The following RIMS3 variants were observed in gnomAD, a reference collection of about 807,000 sequenced individuals.
The protein encoded by RIMS3 is regulating synaptic membrane exocytosis protein 3.
RIMS3 carries 15 observed loss-of-function variants against 29.2 expected under a neutral mutation model. The ratio of observed to expected loss-of-function variants is 0.51; its 90% CI spans 0.34 to 0.79. The LOEUF is 0.79. Ranked by LOEUF, RIMS3 falls within the 30% of genes least tolerant of loss-of-function variation. The pLI is 0.01. For synonymous variants in RIMS3, 161 were observed against 170.1 expected, an observed-to-expected ratio of 0.95 and a Z score of 0.41; for missense variants, 342 against 421.4, an observed-to-expected ratio of 0.81 and a Z score of 1.65.
At position 40,654,981 on chromosome 1, in the gene RIMS3, A is replaced by G. The variant is rs1642254536; in HGVS notation, c.-206-7139T>C. On this transcript the variant is annotated intron_variant, in intron 1 of 7. Coordinates refer to ENST00000372684, the MANE Select transcript of RIMS3 (RefSeq NM_014747.3). The surrounding 1 kb of genome is among the most constrained non-coding windows in gnomAD (Gnocchi z 5.3). ...CCAGGCCACCCTTCCCACTGTGAAC[A>G]TGGGACTAGGGAGGGGGCAGACAGG... Among the ~76,000 whole-genome samples, 1 of 152,106 alleles carries G rather than the reference A, an allele frequency of 6.6e-6. No individual in the cohort carries two copies. Among genetic ancestry groups the G allele is most frequent in the South Asian group, 2.1e-4 (1 of 4,830 alleles).
Position 40,629,343 on chromosome 1 carries a change from T to C in RIMS3, c.502A>G (p.Ser168Gly), listed in dbSNP as rs1646474373. 1 of 1,613,976 alleles carries C rather than the reference T, an allele frequency of 6.2e-7. No homozygotes were observed. Among genetic ancestry groups the C allele is most frequent in the Non-Finnish European group, 8.5e-7 (1 of 1,179,992 alleles). ...GDVHIAIMDRSGQLEVEVIEA... is the reference protein window; with the variant it reads ...GDVHIAIMDRGGQLEVEVIEA... ...ATCACTTCCACCTCCAGCTGGCCAC[T>C]CCGGTCCATGATGGCAATGTGCACA... Residue 168 changes from serine to glycine, a missense_variant, in exon 6 of 8, where the codon AGT becomes GGT. Physicochemically the swap from Ser to Gly is moderately conservative, Grantham distance 56. Coordinates refer to ENST00000372684, the MANE Select transcript of RIMS3 (RefSeq NM_014747.3).
the RIMS3 span, among the ~76,000 whole-genome samples, chr1:40,677,001 A>ATT: frequency 6.3e-5 from 9 of 143,794 alleles, no homozygotes; most frequent in African/African-American, 2.1e-4. Flanking sequence ...AACAGGTGGA[A>ATT]TTTTTTTTTT....
chr1:40,672,344 GC>G, the RIMS3 span, among the ~76,000 whole-genome samples: 1 of 151,804 alleles, frequency 6.6e-6, no homozygotes, highest in South Asian at 2.1e-4. Context: ...GACTACAGGT[GC>G]CCGCCACCAC....
Position 40,633,055 on chromosome 1 carries a change from T to G in RIMS3, c.472+14A>C. 1 of 1,609,508 alleles carries G rather than the reference T, an allele frequency of 6.2e-7. No individual in the cohort carries two copies. Among genetic ancestry groups the G allele is most frequent in the Non-Finnish European group, 8.5e-7 (1 of 1,175,828 alleles). On this transcript the variant is annotated intron_variant, in intron 5 of 7. Coordinates refer to ENST00000372684, the MANE Select transcript of RIMS3 (RefSeq NM_014747.3). The stretch of plus-strand genomic sequence containing the variant: ...CACCATTACCCCACTCAACCTGCCC[T>G]TAATAAGACTCACCCATGGGTGGTG...
At chr1:40,651,333 G>T (rs1646631044) in intron 1 of RIMS3, among the ~76,000 whole-genome samples, 1 of 152,226 alleles carries the variant, frequency 6.6e-6, no homozygotes, top group African/African-American at 2.4e-5. Context: ...AAATGGGAGT[G>T]ACGCGTCAAT....
the RIMS3 span, among the ~76,000 whole-genome samples, chr1:40,685,270 A>G: frequency 7.0e-6 from 1 of 142,740 alleles, no homozygotes; most frequent in African/African-American, 2.6e-5. Flanking sequence ...ATTTATTATG[A>G]AAAACATAAT....
Position 40,623,358 on chromosome 1 carries a change from G to C in RIMS3, c.*3159C>G. ...TTTCATACCAAAAACCCATTGCAGG[G>C]AAAAGGAGTCTATGAAGAAAGTGGG... is the stretch of plus-strand genomic sequence containing the variant. On this transcript the variant is annotated 3_prime_UTR_variant, in exon 8 of 8. Coordinates refer to ENST00000372684, the MANE Select transcript of RIMS3 (RefSeq NM_014747.3). The C allele has an allele frequency of 2.5e-6, 1 of 398,542 alleles. No individual in the cohort carries two copies. Among genetic ancestry groups the C allele is most frequent in the East Asian group, 3.6e-5 (1 of 28,078 alleles). 24.7% of individuals were successfully genotyped at this position (398,542 alleles called of 1,614,324 possible).
Position 40,633,133 on chromosome 1 carries a change from A to G in RIMS3, c.408T>C (p.Asp136=). Residue 136 remains aspartate (D), a synonymous_variant, in exon 5 of 8, where the codon GAT becomes GAC. Transcript: ENST00000372684. The stretch of plus-strand genomic sequence containing the variant: ...GAGCTGGTCCCAGCCCATCCAGGAA[A>G]TCGCTGAACTGGCTTTCAGCCCCTA... The part of the protein sequence containing the change: ...TRLGAESQFS[D]FLDGLGPAQI... 6.2e-7 allele frequency: 1 copy of G among 1,614,184 alleles called. No individual in the cohort carries two copies. Among genetic ancestry groups the G allele is most frequent in the Non-Finnish European group, 8.5e-7 (1 of 1,180,002 alleles).
At chr1:40,676,933 C>A in the RIMS3 span, among the ~76,000 whole-genome samples, 1 of 152,148 alleles carries the variant, frequency 6.6e-6, no homozygotes, top group Non-Finnish European at 1.5e-5. Context: ...CCTCTACCCC[C>A]TTAGGACAAT....
intron 7 of RIMS3, among the ~76,000 whole-genome samples, chr1:40,627,718 C>G (rs970667891): frequency 6.6e-6 from 1 of 152,142 alleles, no homozygotes; most frequent in African/African-American, 2.4e-5. Flanking sequence ...CCTCCTGCCT[C>G]AGCACCTCGA....
chr1:40,642,539 C>G (rs569235075), intron 2 of RIMS3, among the ~76,000 whole-genome samples: 1 of 152,124 alleles, frequency 6.6e-6, no homozygotes, highest in African/African-American at 2.4e-5. Context: ...AGAAAATCAC[C>G]CTTTATCGTA....
intron 5 of RIMS3, among the ~76,000 whole-genome samples, chr1:40,629,803 G>A (rs994432690): frequency 3.9e-5 from 6 of 152,102 alleles, no homozygotes; most frequent in Admixed American, 1.3e-4. Flanking sequence ...GAGGCCGGGC[G>A]CAGTGGCTCA....
the RIMS3 span, among the ~76,000 whole-genome samples, chr1:40,687,214 C>T: frequency 7.2e-5 from 11 of 152,264 alleles, no homozygotes; most frequent in East Asian, 5.8e-4. Flanking sequence ...AAGCGTTTAA[C>T]GTATACAGAA....
At position 40,626,524 on chromosome 1, in the gene RIMS3, C is replaced by A. The variant is rs772726478; in HGVS notation, c.920G>T (p.Cys307Phe). 1.2e-6 allele frequency: 2 copies of A among 1,605,736 alleles called. No individual in the cohort carries two copies. Among genetic ancestry groups the A allele is most frequent in the East Asian group, 2.2e-5 (1 of 44,594 alleles). ...SSLESATSPS[C>F]S Reference sequence around the variant, plus strand: ...GGCCTCTTCCTGACATCCTTAAGAGCATGAGGGGCTGGTGGCACTCTCCAG... The same window carrying A: ...GGCCTCTTCCTGACATCCTTAAGAGAATGAGGGGCTGGTGGCACTCTCCAG... The change falls in exon 8 of 8, where the codon TGC (cysteine) becomes TTC (phenylalanine). Residue 307 changes from cysteine (C) to phenylalanine (F), a missense_variant. Physicochemically the swap from Cys to Phe is radical, Grantham distance 205 (BLOSUM62 -2). Transcript: ENST00000372684.
the RIMS3 span, among the ~76,000 whole-genome samples, chr1:40,670,908 G>A: frequency 1.3e-5 from 2 of 151,828 alleles, no homozygotes; most frequent in South Asian, 2.1e-4. Flanking sequence ...TTTTTTAAGT[G>A]GAGAGATATT....
At chr1:40,671,603 G>A in the RIMS3 span, among the ~76,000 whole-genome samples, 1 of 152,062 alleles carries the variant, frequency 6.6e-6, no homozygotes, top group Non-Finnish European at 1.5e-5. Context: ...TCTTGCTCCT[G>A]CTCCTGCCAT....
intron 3 of RIMS3, among the ~76,000 whole-genome samples, chr1:40,639,103 G>A (rs1364879723): frequency 6.6e-6 from 1 of 152,158 alleles, no homozygotes; most frequent in South Asian, 2.1e-4. Flanking sequence ...TGCACAGTAC[G>A]GACACACCAG....
the RIMS3 span, among the ~76,000 whole-genome samples, chr1:40,672,910 G>A: frequency 9.3e-5 from 14 of 150,954 alleles, no homozygotes; most frequent in African/African-American, 3.4e-4. Context: ...ATTACAGGCT[G>A]TGATTATGCC....
chr1:40,634,789 A>T (rs1260035064), intron 4 of RIMS3, among the ~76,000 whole-genome samples: 1 of 152,024 alleles, frequency 6.6e-6, no homozygotes, highest in Non-Finnish European at 1.5e-5. Context: ...TAAAAATCCA[A>T]AATTAGCCAG....
Sources: allele counts gnomAD v4.1 joint callset (sites outside exome capture counted in the v4.1 genomes callset), GRCh38; gene constraint gnomAD v4.1.1; non-coding constraint Gnocchi (gnomAD v3.1); transcripts MANE v1.5; gene names NCBI Gene and HGNC (gene_info 2026-07-23, HGNC 2026-07-21).